SHISA9: variants seen among roughly 807,000 people sequenced by gnomAD.
SHISA9 encodes shisa family member 9, also known as protein shisa-9.
In SHISA9, 13 loss-of-function variants were observed where a neutral mutation model predicts 38.0. That is an observed-to-expected ratio of 0.34 (90% CI 0.22 to 0.54). The LOEUF (loss-of-function observed/expected upper bound fraction) is 0.54. Among genes scored for constraint, SHISA9 ranks in the 20% least tolerant of loss-of-function variants. The probability of loss-of-function intolerance (pLI) is 0.91; values close to 1 mark genes in which losing one functional copy is unlikely to be tolerated. For missense variants in SHISA9, 538 were observed against 575.8 expected (o/e 0.93, Z 0.67); for synonymous variants, 275 against 242.0 (o/e 1.14, Z -1.27).
intron 2 of SHISA9, among the ~76,000 whole-genome samples, chr16:12,918,195 C>T (rs536061901): frequency 3.3e-5 from 5 of 152,260 alleles, no homozygotes; most frequent in African/African-American, 4.8e-5. Context: ...CATAGCCCCC[C>T]GAAGATATGG....
chr16:13,461,409 G>A, the SHISA9 span, among the ~76,000 whole-genome samples: 283 of 152,062 alleles, frequency 1.9e-3, no homozygotes, highest in African/African-American at 6.5e-3. Context: ...ATGAAACTCT[G>A]TCTCTGCTAA....
the SHISA9 span, among the ~76,000 whole-genome samples, chr16:13,415,474 A>T: frequency 2.0e-5 from 3 of 152,048 alleles, no homozygotes; most frequent in Admixed American, 2.0e-4. Flanking sequence ...CAGGAAAAAT[A>T]AGTAATAGGG....
intron 2 of SHISA9, among the ~76,000 whole-genome samples, chr16:13,006,058 G>GCGCGCACGCACACACACA (rs1335737788): frequency 6.6e-6 from 1 of 152,188 alleles, no homozygotes; most frequent in Admixed American, 6.5e-5. Context: ...AGTGAAGCAT[G>GCGCGCACGCACACACACA]CGCGCACGCA....
At chr16:13,256,932 C>T in the SHISA9 span, among the ~76,000 whole-genome samples, 6 of 152,166 alleles carry the variant, frequency 3.9e-5, no homozygotes, top group Admixed American at 3.9e-4. Context: ...CATACACATA[C>T]ACACAATATG....
the SHISA9 span, among the ~76,000 whole-genome samples, chr16:13,252,665 G>T: frequency 6.0e-3 from 909 of 152,126 alleles, 8 homozygotes; most frequent in African/African-American, 0.021. Flanking sequence ...TTTTCTTATT[G>T]CATTCAGCCA....
At chr16:13,412,706 A>T in the SHISA9 span, among the ~76,000 whole-genome samples, 2 of 151,518 alleles carry the variant, frequency 1.3e-5, no homozygotes, top group African/African-American at 4.9e-5. Context: ...TAATACAAAA[A>T]ATTAGCTGGG....
chr16:13,156,733 CAAAAAAA>C (rs11289895), intron 2 of SHISA9, among the ~76,000 whole-genome samples: 1 of 111,434 alleles, frequency 9.0e-6, no homozygotes, highest in African/African-American at 3.6e-5. Flanking sequence ...GACTCCGTCT[CAAAAAAA>C]AAAAAAAAAA....
intron 2 of SHISA9, among the ~76,000 whole-genome samples, chr16:12,948,219 G>A (rs148265247): frequency 6.6e-6 from 1 of 152,292 alleles, no homozygotes; most frequent in Non-Finnish European, 1.5e-5. Context: ...CAGGGTCATA[G>A]AACTTGAAAG....
chr16:12,978,830 T>A (rs923171779), intron 2 of SHISA9, among the ~76,000 whole-genome samples: 4 of 152,206 alleles, frequency 2.6e-5, no homozygotes, highest in Admixed American at 2.6e-4. Context: ...GATAGAAGGA[T>A]AGATGAGTGT....
chr16:13,521,865 A>G, the SHISA9 span, among the ~76,000 whole-genome samples: 2 of 152,236 alleles, frequency 1.3e-5, no homozygotes, highest in Middle Eastern at 3.2e-3. Context: ...AACCTTTGAA[A>G]TGGAAGTCAC....
chr16:13,471,592 T>C, the SHISA9 span, among the ~76,000 whole-genome samples: 8 of 152,210 alleles, frequency 5.3e-5, no homozygotes, highest in South Asian at 1.7e-3. Flanking sequence ...AATGCATCAA[T>C]TGAGGTGGCC....
At chr16:13,402,979 G>T in the SHISA9 span, among the ~76,000 whole-genome samples, 3 of 152,144 alleles carry the variant, frequency 2.0e-5, no homozygotes, top group African/African-American at 7.2e-5. Context: ...TTAGCTAGGT[G>T]TGGTGGCGTG....
At chr16:13,019,936 T>TTTCCCTCC (rs1567184201) in intron 2 of SHISA9, among the ~76,000 whole-genome samples, 6 of 85,648 alleles carry the variant, frequency 7.0e-5, no homozygotes, top group Admixed American at 2.6e-4. Context: ...TCTTTCTTTC[T>TTTCCCTCC]TTCTTTCTTT....
the SHISA9 span, among the ~76,000 whole-genome samples, chr16:13,298,446 A>G: frequency 5.3e-5 from 8 of 152,208 alleles, no homozygotes; most frequent in African/African-American, 1.7e-4. Context: ...ACTTTGTGCT[A>G]AAAGTGTTAT....
In SHISA9 at chr16:13,081,278, C is replaced by T. The variant is rs562706158; in HGVS notation, c.692-122116C>T. Among the ~76,000 whole-genome samples, 32 of 152,276 alleles carry T rather than the reference C, an allele frequency of 2.1e-4. No homozygotes were observed. The South Asian group carries it at 6.6e-3, about 32-fold the overall frequency. ...AGTCATTTTGTATGGAGAGGGAGTGCCTGGTCTAGATTGAGACCCAAAGCT... is the reference window on the plus strand; with the variant it reads ...AGTCATTTTGTATGGAGAGGGAGTGTCTGGTCTAGATTGAGACCCAAAGCT... On this transcript the variant is annotated intron_variant, in intron 2 of 4. Transcript: ENST00000558583.
chr16:13,033,685 G>C (rs986399818), intron 2 of SHISA9, among the ~76,000 whole-genome samples: 1 of 152,138 alleles, frequency 6.6e-6, no homozygotes, highest in African/African-American at 2.4e-5. Context: ...ATGTCCTTGG[G>C]TTGGGAGACC....
chr16:12,971,471 G>T (rs2072081260), intron 2 of SHISA9, among the ~76,000 whole-genome samples: 1 of 152,220 alleles, frequency 6.6e-6, no homozygotes, highest in Admixed American at 6.5e-5. Flanking sequence ...TTCCCACGAA[G>T]GATGAGTCAG....
the SHISA9 span, among the ~76,000 whole-genome samples, chr16:13,532,555 G>GGAATAATAC: frequency 1.2e-5 from 1 of 81,350 alleles, no homozygotes. Flanking sequence ...GTGCGTGTGT[G>GGAATAATAC]TATGTGTGTG....
At chr16:12,997,038 A>C (rs1467939182) in intron 2 of SHISA9, among the ~76,000 whole-genome samples, 1 of 152,190 alleles carries the variant, frequency 6.6e-6, no homozygotes. Flanking sequence ...TAAATCAATA[A>C]GTTTTGAAAC....
Sources: allele counts gnomAD v4.1 joint callset (sites outside exome capture counted in the v4.1 genomes callset), GRCh38; gene constraint gnomAD v4.1.1; transcripts MANE v1.5; gene names NCBI Gene and HGNC (gene_info 2026-07-23, HGNC 2026-07-21).